The following SLC17A1 variants were observed in gnomAD, a reference collection of about 807,000 sequenced individuals.
SLC17A1 encodes sodium-dependent phosphate transport protein 1.
In SLC17A1, 51 loss-of-function variants were observed where a neutral mutation model predicts 53.5. The observed-to-expected ratio is 0.95, with a 90% confidence interval of 0.76 to 1.20. The LOEUF is 1.20. SLC17A1 is among the 50% of genes most tolerant of loss of function. The pLI is 0.00. For synonymous variants in SLC17A1, 179 were observed against 198.8 expected, an observed-to-expected ratio of 0.90 and a Z score of 0.84; for missense variants, 538 against 568.2, an observed-to-expected ratio of 0.95 and a Z score of 0.54.
At chr6:25,729,989 A>C in the SLC17A1 span, among the ~76,000 whole-genome samples, 5 of 152,312 alleles carry the variant, frequency 3.3e-5, no homozygotes, top group Non-Finnish European at 4.4e-5. Context: ...AAACAATACC[A>C]AATTGAGTTT....
chr6:25,799,318 C>A (rs943204481), intron 11 of SLC17A1, among the ~76,000 whole-genome samples: 1 of 151,842 alleles, frequency 6.6e-6, no homozygotes, highest in Non-Finnish European at 1.5e-5. Flanking sequence ...AACATACTTT[C>A]ATCTATTGTA....
intron 6 of SLC17A1, among the ~76,000 whole-genome samples, chr6:25,815,805 CT>C (rs1411313373): frequency 1.3e-5 from 2 of 152,042 alleles, no homozygotes; most frequent in Non-Finnish European, 2.9e-5. Context: ...TTTCAATCTA[CT>C]TCTGTCCATG....
chr6:25,738,467 T>C, the SLC17A1 span, among the ~76,000 whole-genome samples: 1 of 151,952 alleles, frequency 6.6e-6, no homozygotes, highest in Non-Finnish European at 1.5e-5. Context: ...AGAAAAAATA[T>C]GTAGGAGAAA....
intron 10 of SLC17A1, among the ~76,000 whole-genome samples, chr6:25,801,704 G>T (rs1365774589): frequency 6.6e-6 from 1 of 152,148 alleles, no homozygotes; most frequent in Non-Finnish European, 1.5e-5. Flanking sequence ...AGAGTTTCTT[G>T]TTTCTTTTTT....
chr6:25,808,054 A>G (rs1764019774), intron 10 of SLC17A1, among the ~76,000 whole-genome samples: 2 of 152,156 alleles, frequency 1.3e-5, no homozygotes, highest in Non-Finnish European at 2.9e-5. Flanking sequence ...TGTCTTCCAT[A>G]GTGGTTGTAC....
chr6:25,783,461 A>G (rs538482634), intron 12 of SLC17A1, among the ~76,000 whole-genome samples: 2 of 152,156 alleles, frequency 1.3e-5, no homozygotes, highest in East Asian at 3.9e-4. Context: ...CCTTTTCCCT[A>G]TTTTCAAAAA....
At chr6:25,792,602 A>G (rs1008208925) in intron 12 of SLC17A1, among the ~76,000 whole-genome samples, 1 of 152,164 alleles carries the variant, frequency 6.6e-6, no homozygotes, top group Non-Finnish European at 1.5e-5. Context: ...CTTTGCTATA[A>G]AACCAGAGCC....
At chr6:25,754,232 A>G in the SLC17A1 span, among the ~76,000 whole-genome samples, 1,346 of 152,254 alleles carry the variant, frequency 8.8e-3, 15 homozygotes, top group African/African-American at 0.029. Context: ...CATAAAAGGG[A>G]GGAGAATCAC....
intron 3 of SLC17A1, among the ~76,000 whole-genome samples, chr6:25,823,607 A>G (rs1204850885): frequency 1.3e-5 from 2 of 151,994 alleles, no homozygotes; most frequent in Admixed American, 1.3e-4. Context: ...TCCTCTGTGT[A>G]TCTCCTTTGG....
chr6:25,789,626 G>T (rs1367710635), intron 12 of SLC17A1, among the ~76,000 whole-genome samples: 2 of 152,018 alleles, frequency 1.3e-5, no homozygotes, highest in Non-Finnish European at 2.9e-5. Flanking sequence ...GGACATCTTT[G>T]TGGTATCCCT....
the SLC17A1 span, among the ~76,000 whole-genome samples, chr6:25,725,794 T>C: frequency 1.3e-5 from 2 of 152,094 alleles, no homozygotes; most frequent in Non-Finnish European, 2.9e-5. Flanking sequence ...GTCTCAATTA[T>C]GTTAACGGTC....
chr6:25,786,471 G>A (rs1033687867), intron 12 of SLC17A1, among the ~76,000 whole-genome samples: 2 of 152,136 alleles, frequency 1.3e-5, no homozygotes, highest in East Asian at 1.9e-4. Flanking sequence ...GGCTACATGC[G>A]TGTTTCCCAT....
Position 25,797,596 on chromosome 6 carries a change from C to A in SLC17A1, c.*2+1187G>T, listed in dbSNP as rs16891051. ...TTAAGTTCTTTCTAATCTAGAGCAT[C>A]CATTTCTACCCCAGTTTTTTTTTTT... is the stretch of plus-strand genomic sequence containing the variant. On this transcript the variant is annotated intron_variant, in intron 12 of 12. Transcript: ENST00000244527. Among the ~76,000 whole-genome samples the A allele has an allele frequency of 5.1e-3, 768 of 151,864 alleles. 17 individuals carry two copies. The East Asian group carries it at 0.064, about 13-fold the overall frequency.
In SLC17A1 at chr6:25,826,450, T is replaced by C; in HGVS notation, c.207+11A>G. The C allele has an allele frequency of 6.3e-7, 1 of 1,580,620 alleles. No individual in the cohort carries two copies. The highest frequency in any genetic ancestry group is 8.6e-7 in the Non-Finnish European group (1 of 1,163,630). ...TTAAACATTTGACTGTGGGGAAAAT[T>C]ATTGATGTACCTTTATATTATCCAG... On this transcript the variant is annotated intron_variant, in intron 3 of 12. Transcript: ENST00000244527.
the SLC17A1 span, among the ~76,000 whole-genome samples, chr6:25,774,837 C>A: frequency 1.3e-5 from 2 of 152,200 alleles, no homozygotes; most frequent in Non-Finnish European, 2.9e-5. Flanking sequence ...CATTTTCTCA[C>A]AAAGTCACAT....
the SLC17A1 span, among the ~76,000 whole-genome samples, chr6:25,742,524 A>AC: frequency 5.9e-5 from 9 of 151,804 alleles, no homozygotes; most frequent in Admixed American, 5.9e-4. Context: ...AAAAAAAAAA[A>AC]AAACAGATGG....
At chr6:25,739,187 GA>G in the SLC17A1 span, among the ~76,000 whole-genome samples, 2 of 152,226 alleles carry the variant, frequency 1.3e-5, no homozygotes, top group Non-Finnish European at 2.9e-5. Flanking sequence ...GGTGCTGGCA[GA>G]TCTGATCTCT....
chr6:25,804,300 CATAAATGAAGGAGAA>C (rs1273739464), intron 10 of SLC17A1, among the ~76,000 whole-genome samples: 1 of 152,048 alleles, frequency 6.6e-6, no homozygotes, highest in East Asian at 1.9e-4. Context: ...ACTTAAGTTT[CATAAATGAAGGAGAA>C]ATAAAGTCAT....
At chr6:25,787,604 C>T (rs750162832) in intron 12 of SLC17A1, among the ~76,000 whole-genome samples, 3 of 152,316 alleles carry the variant, frequency 2.0e-5, no homozygotes, top group African/African-American at 4.8e-5. Context: ...CTCAAAATCA[C>T]GTAGACCTTG....
Sources: gnomAD v4.1 joint callset for allele counts (sites outside exome capture counted in the v4.1 genomes callset) on GRCh38, gnomAD v4.1.1 for gene constraint, MANE v1.5 for transcripts, NCBI Gene and HGNC (gene_info 2026-07-23, HGNC 2026-07-21) for gene names.